The following CHODL variants were observed in gnomAD, a reference collection of about 807,000 sequenced individuals.
The protein encoded by CHODL is chondrolectin.
CHODL carries 29 observed loss-of-function variants against 34.5 expected under a neutral mutation model. The ratio of observed to expected loss-of-function variants is 0.84; its 90% confidence interval spans 0.63 to 1.15. CHODL has a LOEUF of 1.15. Among genes scored for constraint, CHODL ranks in the 50% most tolerant of loss-of-function variants. The pLI is 0.00. For missense variants in CHODL, 332 were observed against 332.5 expected, an observed-to-expected ratio of 1.00 and a Z score of 0.01; for synonymous variants, 125 against 116.1, an observed-to-expected ratio of 1.08 and a Z score of -0.49.
intron 2 of CHODL, among the ~76,000 whole-genome samples, chr21:18,235,264 A>G (rs1306357734): frequency 6.6e-6 from 1 of 152,148 alleles, no homozygotes; most frequent in Non-Finnish European, 1.5e-5. Context: ...ATGAATATGT[A>G]AAAGCCTGTG....
At chr21:18,214,519 C>A (rs2073804853) in intron 2 of CHODL, among the ~76,000 whole-genome samples, 1 of 152,114 alleles carries the variant, frequency 6.6e-6, no homozygotes, top group Admixed American at 6.6e-5. Flanking sequence ...AAGCCTGGTT[C>A]AATCACTTAT....
intron 2 of CHODL, among the ~76,000 whole-genome samples, chr21:18,065,527 G>T (rs576195630): frequency 6.6e-6 from 1 of 152,154 alleles, no homozygotes; most frequent in Non-Finnish European, 1.5e-5. Flanking sequence ...TCCCTGAAAA[G>T]TACAGTATTA....
At chr21:18,026,331 G>A (rs1269548798) in intron 1 of CHODL, among the ~76,000 whole-genome samples, 1 of 152,052 alleles carries the variant, frequency 6.6e-6, no homozygotes, top group East Asian at 1.9e-4. Flanking sequence ...AACATTTGTG[G>A]GTAAAGCCTG....
intron 2 of CHODL, among the ~76,000 whole-genome samples, chr21:18,048,894 A>G (rs1028358828): frequency 6.6e-6 from 1 of 151,944 alleles, no homozygotes; most frequent in African/African-American, 2.4e-5. Context: ...TATTGGTTAT[A>G]GATTTGTTTT....
intron 2 of CHODL, among the ~76,000 whole-genome samples, chr21:18,225,387 C>G (rs1342812672): frequency 6.6e-6 from 1 of 152,016 alleles, no homozygotes; most frequent in Non-Finnish European, 1.5e-5. Context: ...ATAGTTGTCA[C>G]CTTATAGACT....
intron 2 of CHODL, among the ~76,000 whole-genome samples, chr21:18,148,888 A>G (rs1054022401): frequency 2.0e-5 from 3 of 150,984 alleles, no homozygotes; most frequent in African/African-American, 7.3e-5. Context: ...GGCTGTCAAA[A>G]AAAAAAAAAA....
intron 1 of CHODL, among the ~76,000 whole-genome samples, chr21:17,955,299 G>T: frequency 7.3e-6 from 1 of 137,416 alleles, no homozygotes; most frequent in South Asian, 2.7e-4. Flanking sequence ...TTAAGTGAAT[G>T]ATTAAATGGC....
intron 2 of CHODL, among the ~76,000 whole-genome samples, chr21:18,155,764 G>T (rs2073026848): frequency 6.6e-6 from 1 of 152,202 alleles, no homozygotes; most frequent in South Asian, 2.1e-4. Context: ...ATGGAATGTT[G>T]TTTTGAAAGG....
chr21:18,111,815 T>G (rs993954684), intron 2 of CHODL, among the ~76,000 whole-genome samples: 3 of 152,198 alleles, frequency 2.0e-5, no homozygotes, highest in Admixed American at 6.5e-5. Flanking sequence ...GCTTAGCCTA[T>G]TCAGTATTTT....
chr21:17,966,213 A>T (rs917218415), intron 1 of CHODL, among the ~76,000 whole-genome samples: 10 of 152,136 alleles, frequency 6.6e-5, no homozygotes, highest in African/African-American at 2.4e-4. Context: ...AATCCCAATG[A>T]AGGTTTTGCT....
intron 2 of CHODL, among the ~76,000 whole-genome samples, chr21:18,167,211 CTG>C (rs71329776): frequency 0.037 from 3,290 of 88,026 alleles, 105 homozygotes; most frequent in East Asian, 0.19. Flanking sequence ...TTCTCTCTCT[CTG>C]TGTGTGTGTG....
At chr21:18,076,868 C>T in intron 2 of CHODL, among the ~76,000 whole-genome samples, 1 of 152,198 alleles carries the variant, frequency 6.6e-6, no homozygotes, top group South Asian at 2.1e-4. Flanking sequence ...AGTGAAATTC[C>T]ATCCCCAGGG....
chr21:18,201,099 A>G (rs1179993441), intron 2 of CHODL, among the ~76,000 whole-genome samples: 1 of 152,200 alleles, frequency 6.6e-6, no homozygotes, highest in Non-Finnish European at 1.5e-5. Context: ...AAAAATAGGT[A>G]ATATTTAATA....
intron 1 of CHODL, among the ~76,000 whole-genome samples, chr21:18,250,133 C>T (rs1396874425): frequency 6.6e-6 from 1 of 152,068 alleles, no homozygotes; most frequent in South Asian, 2.1e-4. Flanking sequence ...AAACTCATAA[C>T]TGGTCTCATT....
intron 2 of CHODL, among the ~76,000 whole-genome samples, chr21:18,081,653 C>A (rs938070910): frequency 6.6e-6 from 1 of 150,512 alleles, no homozygotes; most frequent in Non-Finnish European, 1.5e-5. Flanking sequence ...TGCACTCCAG[C>A]CTGGGCAAGA....
intron 2 of CHODL, among the ~76,000 whole-genome samples, chr21:18,144,440 G>T (rs1276579810): frequency 6.6e-6 from 1 of 151,904 alleles, no homozygotes; most frequent in Non-Finnish European, 1.5e-5. Context: ...TAACCTTAAG[G>T]CCTCATTTAC....
intron 1 of CHODL, among the ~76,000 whole-genome samples, chr21:18,020,456 A>G (rs2064117770): frequency 6.6e-6 from 1 of 152,206 alleles, no homozygotes; most frequent in South Asian, 2.1e-4. Context: ...GAACCACTAT[A>G]TTTAATTGCT....
At chr21:17,946,797 G>C (rs1262187372) in intron 1 of CHODL, among the ~76,000 whole-genome samples, 1 of 152,126 alleles carries the variant, frequency 6.6e-6, no homozygotes, top group African/African-American at 2.4e-5. Flanking sequence ...GTCCTTACCA[G>C]TGAAGTGAGT....
At chr21:18,209,581 C>G (rs148886049) in intron 2 of CHODL, among the ~76,000 whole-genome samples, 121 of 152,228 alleles carry the variant, frequency 7.9e-4, no homozygotes, top group African/African-American at 2.7e-3. Context: ...CACTCCTTTT[C>G]TCAAGCTGAA....
Sources: allele counts gnomAD v4.1 joint callset (sites outside exome capture counted in the v4.1 genomes callset), GRCh38; gene constraint gnomAD v4.1.1; transcripts MANE v1.5; gene names NCBI Gene and HGNC (gene_info 2026-07-23, HGNC 2026-07-21).